Variants in TXLNB observed in about 807,000 individuals in gnomAD.
The protein encoded by TXLNB is beta-taxilin.
In TXLNB, 37 loss-of-function variants were observed where a neutral mutation model predicts 57.4. The ratio of observed to expected loss-of-function variants is 0.64; its 90% CI spans 0.50 to 0.85. The LOEUF is 0.85. TXLNB is among the 40% of genes least tolerant of loss of function. The pLI is 0.00. For missense variants in TXLNB, 848 were observed against 825.6 expected (o/e 1.03, Z -0.33); for synonymous variants, 302 against 309.6 (o/e 0.98, Z 0.26).
the TXLNB span, among the ~76,000 whole-genome samples, chr6:139,175,984 T>C: frequency 0.028 from 4,264 of 152,316 alleles, 78 homozygotes; most frequent in East Asian, 0.054. Context: ...TACTAATGAA[T>C]CAAGGGAAGT....
At chr6:139,314,732 GC>G in the TXLNB span, among the ~76,000 whole-genome samples, 1 of 152,178 alleles carries the variant, frequency 6.6e-6, no homozygotes, top group African/African-American at 2.4e-5. Flanking sequence ...AACCGCCTTT[GC>G]AAAATTATAA....
At chr6:139,318,364 T>C in the TXLNB span, among the ~76,000 whole-genome samples, 1 of 145,452 alleles carries the variant, frequency 6.9e-6, no homozygotes, top group African/African-American at 2.6e-5. Context: ...GAAGAAGAGA[T>C]ATATGAAAAG....
At chr6:139,184,376 TTC>T in the TXLNB span, among the ~76,000 whole-genome samples, 1 of 152,192 alleles carries the variant, frequency 6.6e-6, no homozygotes. Flanking sequence ...ATAGAAGTAA[TTC>T]TGTGAGGCCT....
At chr6:139,321,290 T>A in the TXLNB span, among the ~76,000 whole-genome samples, 1 of 152,168 alleles carries the variant, frequency 6.6e-6, no homozygotes, top group Non-Finnish European at 1.5e-5. Flanking sequence ...AGAGCCTTCA[T>A]GAATGGGATT....
intron 2 of TXLNB, among the ~76,000 whole-genome samples, chr6:139,279,929 G>A (rs1016343859): frequency 1.3e-5 from 2 of 152,136 alleles, no homozygotes; most frequent in Admixed American, 6.5e-5. Context: ...ATAAGGCTGT[G>A]GTCACTGGCA....
intron 2 of TXLNB, among the ~76,000 whole-genome samples, chr6:139,279,724 T>C (rs1418053172): frequency 6.6e-6 from 1 of 150,566 alleles, no homozygotes; most frequent in Non-Finnish European, 1.5e-5. Context: ...AAAACTGACT[T>C]TATTCAGGGA....
downstream of TXLNB, among the ~76,000 whole-genome samples, chr6:139,238,297 G>C (rs1486301494): frequency 3.9e-5 from 6 of 152,188 alleles, no homozygotes; most frequent in Admixed American, 3.3e-4. Flanking sequence ...AGGAGGCTGA[G>C]GCACGAGACT....
chr6:139,262,606 G>T lies in TXLNB; in HGVS notation c.855C>A (p.Ile285=), dbSNP rs1458288991. Residue 285 remains isoleucine (I), a synonymous_variant, in exon 5 of 10, where the codon ATC becomes ATA. Transcript: ENST00000358430. ...NTELAEKLKS[I]IDQYELREEH... ...CCTCTCTGAGCTCATACTGATCGATGATGCTTTTCAGCTTTTCTGCAAGCT... is the reference window on the plus strand; with the variant it reads ...CCTCTCTGAGCTCATACTGATCGATTATGCTTTTCAGCTTTTCTGCAAGCT... The T allele has an allele frequency of 1.2e-6, 2 of 1,614,062 alleles. No homozygotes were observed. Among genetic ancestry groups the T allele is most frequent in the Admixed American group, 3.3e-5 (2 of 60,000 alleles).
chr6:139,190,472 G>A, the TXLNB span, among the ~76,000 whole-genome samples: 1 of 151,978 alleles, frequency 6.6e-6, no homozygotes, highest in Non-Finnish European at 1.5e-5. Flanking sequence ...GCCATGCCCA[G>A]CTAATTTTTG....
chr6:139,209,907 T>C, the TXLNB span, among the ~76,000 whole-genome samples: 1 of 152,114 alleles, frequency 6.6e-6, no homozygotes, highest in Non-Finnish European at 1.5e-5. Flanking sequence ...AAAAGAAGTA[T>C]TCAGTGTTGT....
rs1562270024 is a variant in TXLNB at position 139,242,904 on chromosome 6, T to TA, written c.1676dup (p.Thr560AsnfsTer5). The stretch of plus-strand genomic sequence containing the variant: ...CTCCTTCGGCTTCAGCCTGAGGAGT[T>TA]AGGGGAGGCAGGGGACTCTCTGAAT... On this transcript the variant is annotated frameshift_variant, in exon 10 of 10. Transcript: ENST00000358430. LOFTEE classifies it low-confidence loss of function (END_TRUNC). The TA allele has an allele frequency of 2.5e-6, 4 of 1,614,074 alleles. No individual in the cohort carries two copies. In the South Asian group the frequency reaches 4.4e-5, roughly 18 times the overall value.
rs1035394437 is a variant in TXLNB at position 139,285,489 on chromosome 6, C to T, written c.424+2987G>A. 4.9e-5 allele frequency among the ~76,000 whole-genome samples: 7 copies of T among 144,264 alleles called. 1 individual carries two copies. The highest frequency in any genetic ancestry group is 2.7e-4 in the Admixed American group (4 of 14,784). 94.6% of individuals were successfully genotyped at this position (144,264 alleles called of 152,430 possible). ...CAGAGAAGAAAAAATTGCTCTGTAA[C>T]ACAGAGCAATTTTATTATGTTTTTC... On this transcript the variant is annotated intron_variant, in intron 2 of 9. Transcript: ENST00000358430.
At chr6:139,207,348 T>C in the TXLNB span, among the ~76,000 whole-genome samples, 1 of 152,154 alleles carries the variant, frequency 6.6e-6, no homozygotes, top group Non-Finnish European at 1.5e-5. Context: ...ACTATACAAA[T>C]ACATGGAAAG....
upstream of TXLNB, among the ~76,000 whole-genome samples, chr6:139,296,936 C>T (rs1171615712): frequency 6.6e-6 from 1 of 152,158 alleles, no homozygotes; most frequent in Non-Finnish European, 1.5e-5. Context: ...AACAAACCAT[C>T]CTACTATTTG....
In TXLNB at chr6:139,242,561, T is replaced by G; in HGVS notation, c.2020A>C (p.Asn674His). ...CCTTCCAGATTGGTGTCAGCCACGTTGCGCGGCTGGGGCCCAGCTGAGGCC... is the reference window on the plus strand; with the variant it reads ...CCTTCCAGATTGGTGTCAGCCACGTGGCGCGGCTGGGGCCCAGCTGAGGCC... ...VGASAGPQPR[N>H]VADTNLEGVD The change falls in exon 10 of 10, where the codon AAC (asparagine) becomes CAC (histidine). Residue 674 changes from asparagine (N) to histidine (H), a missense_variant. Coordinates refer to ENST00000358430, the MANE Select transcript of TXLNB (RefSeq NM_153235.4). 6.6e-7 allele frequency: 1 copy of G among 1,515,166 alleles called. No homozygotes were observed. The highest frequency in any genetic ancestry group is 8.8e-7 in the Non-Finnish European group (1 of 1,134,686). 93.9% of individuals were successfully genotyped at this position (1,515,166 alleles called of 1,614,324 possible). A position where few individuals can be genotyped will look rare whatever the true frequency, so the allele number is the denominator to read the frequency against.
At chr6:139,168,979 C>T in the TXLNB span, among the ~76,000 whole-genome samples, 2 of 152,150 alleles carry the variant, frequency 1.3e-5, no homozygotes, top group Admixed American at 6.5e-5. Flanking sequence ...TCCACCCCTC[C>T]ATGAAGGTTT....
At chr6:139,283,122 CT>C (rs1203775562) in intron 2 of TXLNB, 1 of 145,208 alleles carries the variant, frequency 6.9e-6, no homozygotes, top group East Asian at 2.0e-4. Flanking sequence ...GGGAAAGTGA[CT>C]TTACCCACGA....
At chr6:139,276,604 G>T (rs1191904076) in intron 3 of TXLNB, among the ~76,000 whole-genome samples, 4 of 152,196 alleles carry the variant, frequency 2.6e-5, no homozygotes, top group African/African-American at 9.7e-5. Context: ...TCCTTCAAAA[G>T]AATTTTTTAA....
At chr6:139,287,536 G>A (rs1389061145) in intron 2 of TXLNB, among the ~76,000 whole-genome samples, 1 of 152,158 alleles carries the variant, frequency 6.6e-6, no homozygotes, top group Non-Finnish European at 1.5e-5. Context: ...CTCTGCCCTT[G>A]ATAGATTCTC....
Sources: allele counts gnomAD v4.1 joint callset (sites outside exome capture counted in the v4.1 genomes callset), GRCh38; gene constraint gnomAD v4.1.1; transcripts MANE v1.5; gene names NCBI Gene and HGNC (gene_info 2026-07-23, HGNC 2026-07-21).